The following ST7 variants were observed in gnomAD, a reference collection of about 807,000 sequenced individuals.
ST7 encodes the protein suppression of tumorigenicity 7.
Under a neutral mutation model 78.7 loss-of-function variants are expected in ST7, and 28 were observed. The ratio of observed to expected loss-of-function variants is 0.36; its 90% CI spans 0.26 to 0.49. ST7 has a LOEUF of 0.49. Ranked by LOEUF, ST7 falls within the 20% of genes least tolerant of loss-of-function variation. The pLI, the probability that ST7 is intolerant of heterozygous loss-of-function variation, is 0.99. For missense variants in ST7, 418 were observed against 696.0 expected (o/e 0.60, Z 4.49); for synonymous variants, 247 against 249.6 (o/e 0.99, Z 0.10).
chr7:117,158,919 T>C (rs995564406), intron 9 of ST7, among the ~76,000 whole-genome samples: 3 of 152,200 alleles, frequency 2.0e-5, no homozygotes, highest in African/African-American at 7.2e-5. Flanking sequence ...TTGAATATGA[T>C]ACAGGCCAAA....
rs147765651 is a variant in ST7 at position 117,156,222 on chromosome 7, C to T, written c.964-14640C>T. On this transcript the variant is annotated intron_variant, in intron 9 of 15. Transcript: ENST00000323984. The stretch of plus-strand genomic sequence containing the variant: ...ATTTTTTATGCCTATTACTGTATCC[C>T]AGTACAATAGTGCCTGATACACAGT... Among the ~76,000 whole-genome samples the T allele has an allele frequency of 5.1e-3, 781 of 152,182 alleles. 4 individuals are homozygous for T. The highest frequency in any genetic ancestry group is 0.018 in the African/African-American group (739 of 41,490).
Position 117,219,428 on chromosome 7 carries a change from A to C in ST7, c.1498+252A>C, listed in dbSNP as rs1792924201. On this transcript the variant is annotated intron_variant, in intron 14 of 15. Coordinates refer to ENST00000323984, the MANE Select transcript of ST7 (RefSeq NM_001369598.1). The surrounding 1 kb of genome is among the most constrained non-coding windows in gnomAD (Gnocchi z 5.1). ...AAATGTAGCTGAAGAAACCCTATGT[A>C]CTGATTGGCCTGAGCACAGAGACCC... Among the ~76,000 whole-genome samples, 1 of 152,198 alleles carries C rather than the reference A, an allele frequency of 6.6e-6. No homozygotes were observed. Among genetic ancestry groups the C allele is most frequent in the African/African-American group, 2.4e-5 (1 of 41,448 alleles).
At chr7:117,055,863 T>G (rs1798037226) in intron 1 of ST7, among the ~76,000 whole-genome samples, 1 of 152,076 alleles carries the variant, frequency 6.6e-6, no homozygotes, top group Non-Finnish European at 1.5e-5. Context: ...TAAAGGCAAA[T>G]TTATTAAGTA....
At chr7:117,177,290 G>C (rs757921427) in intron 10 of ST7, among the ~76,000 whole-genome samples, 6 of 152,190 alleles carry the variant, frequency 3.9e-5, no homozygotes, top group African/African-American at 1.4e-4. Context: ...AGGACTATAT[G>C]CATGACAAAC....
chr7:116,980,014 A>C (rs1164359992), intron 1 of ST7, among the ~76,000 whole-genome samples: 1 of 112,908 alleles, frequency 8.9e-6, no homozygotes, highest in Non-Finnish European at 1.6e-5. Flanking sequence ...GCTGGAGTGC[A>C]GTGCTGCGAT....
rs1483520647 is a variant in ST7, at chr7:117,219,973, A to G, written c.1498+797A>G. On this transcript the variant is annotated intron_variant, in intron 14 of 15. Coordinates refer to ENST00000323984, the MANE Select transcript of ST7 (RefSeq NM_001369598.1). This position sits in a 1 kb window ranked among gnomAD's most constrained non-coding sequence, Gnocchi z 5.1. ...TTCATGTGGCCCAGACTTAGGATATATTTTTCTCCCTCAGATAATAAGCTC... is the reference window on the plus strand; with the variant it reads ...TTCATGTGGCCCAGACTTAGGATATGTTTTTCTCCCTCAGATAATAAGCTC... 6.6e-6 allele frequency among the ~76,000 whole-genome samples: 1 copy of G among 152,100 alleles called. No homozygotes were observed. Among genetic ancestry groups the G allele is most frequent in the Non-Finnish European group, 1.5e-5 (1 of 68,016 alleles).
At chr7:117,091,333 C>T (rs931760876) in intron 1 of ST7, among the ~76,000 whole-genome samples, 1 of 152,086 alleles carries the variant, frequency 6.6e-6, no homozygotes, top group Admixed American at 6.5e-5. Flanking sequence ...AATCCTTGAT[C>T]GAACTGATGC....
At position 117,230,146 on chromosome 7, in the gene ST7, T is replaced by C; in HGVS notation, c.*289T>C. 1 of 525,976 alleles carries C rather than the reference T, an allele frequency of 1.9e-6. No individual in the cohort carries two copies. Among genetic ancestry groups the C allele is most frequent in the Middle Eastern group, 5.1e-4 (1 of 1,960 alleles). The allele number at this position is 525,976 out of a possible 1,614,324, so 32.6% of individuals were successfully genotyped here. On this transcript the variant is annotated 3_prime_UTR_variant, in exon 16 of 16. Coordinates refer to ENST00000323984, the MANE Select transcript of ST7 (RefSeq NM_001369598.1). ...TGTCTTCCAACCCTAAAATTGTTGA[T>C]GTCCCAAATAAACCTTTGGATTTAC...
intron 1 of ST7, among the ~76,000 whole-genome samples, chr7:117,093,771 G>T (rs1213530520): frequency 6.6e-6 from 1 of 152,170 alleles, no homozygotes; most frequent in Non-Finnish European, 1.5e-5. Flanking sequence ...ATTTGATGAG[G>T]TCTGCCGTAT....
At chr7:117,218,986 T>A in intron 13 of ST7, 98 bp from the exon 14 acceptor site, 1 of 870,886 alleles carries the variant, frequency 1.1e-6, no homozygotes, top group South Asian at 1.6e-5. Flanking sequence ...TTTGTAGAAG[T>A]GTTCCCTGTT....
At chr7:117,228,738 C>A (rs1793600354) in intron 15 of ST7, among the ~76,000 whole-genome samples, 2 of 152,102 alleles carry the variant, frequency 1.3e-5, no homozygotes, top group Admixed American at 1.3e-4. Context: ...ACTATGATCC[C>A]CTCTGCATTA....
intron 1 of ST7, chr7:117,080,839 C>T (rs1217701133): frequency 6.6e-6 from 1 of 152,096 alleles, no homozygotes; most frequent in Non-Finnish European, 1.5e-5. Context: ...GCAGAGGAAG[C>T]CTATTGTGCA....
rs201942100 is a variant in ST7, at chr7:117,137,164, G to A, written c.865+929G>A. The A allele has an allele frequency of 9.2e-5, 14 of 152,180 alleles. No individual in the cohort carries two copies. In the East Asian group the frequency reaches 2.3e-3, roughly 25 times the overall value. The allele number at this position is 152,180 out of a possible 1,614,324, so 9.4% of individuals were successfully genotyped here. A position where few individuals can be genotyped will look rare whatever the true frequency, so the allele number is the denominator to read the frequency against. On this transcript the variant is annotated intron_variant, in intron 8 of 15. Transcript: ENST00000323984. ...TGAGATTATAAAATTAAATGTTAACGTTAAACTTGGGTTTGGTGTAGAAAC... is the reference window on the plus strand; with the variant it reads ...TGAGATTATAAAATTAAATGTTAACATTAAACTTGGGTTTGGTGTAGAAAC...
intron 1 of ST7, among the ~76,000 whole-genome samples, chr7:116,964,628 G>A (rs536878439): frequency 5.3e-4 from 80 of 152,308 alleles, no homozygotes; most frequent in African/African-American, 1.6e-3. Flanking sequence ...CAGAGTTGGC[G>A]TGGTTTAGAG....
intron 15 of ST7, among the ~76,000 whole-genome samples, chr7:117,225,615 G>A (rs898583824): frequency 2.6e-5 from 4 of 152,048 alleles, no homozygotes; most frequent in African/African-American, 4.8e-5. Context: ...CCCACACCCC[G>A]CAGGTTATCG....
Position 116,977,433 on chromosome 7 carries a change from A to C in ST7, c.151+23742A>C, listed in dbSNP as rs567183322. Among the ~76,000 whole-genome samples the C allele has an allele frequency of 1.1e-3, 163 of 152,294 alleles. 1 individual carries two copies. The highest frequency in any genetic ancestry group is 3.8e-3 in the African/African-American group (158 of 41,552). On this transcript the variant is annotated intron_variant, in intron 1 of 15. Transcript: ENST00000323984. ...AGGTCTTGCTGGAGAGCTGCATTCAAGTGAGGGAGGGGTGGGAAGGAAGAA... is the reference window on the plus strand; with the variant it reads ...AGGTCTTGCTGGAGAGCTGCATTCACGTGAGGGAGGGGTGGGAAGGAAGAA...
chr7:117,068,422 A>G (rs1488118184), intron 1 of ST7, among the ~76,000 whole-genome samples: 3 of 152,172 alleles, frequency 2.0e-5, no homozygotes, highest in Non-Finnish European at 4.4e-5. Context: ...TTTCTCACAA[A>G]TTGTTTCATC....
At chr7:117,011,736 CA>C (rs1219653515) in intron 1 of ST7, among the ~76,000 whole-genome samples, 1 of 152,184 alleles carries the variant, frequency 6.6e-6, no homozygotes, top group Admixed American at 6.5e-5. Context: ...GTCCCTAGAA[CA>C]GGTGACCCGA....
At chr7:116,972,415 T>G (rs1177586067) in intron 1 of ST7, 1 of 703,494 alleles carries the variant, frequency 1.4e-6, no homozygotes, top group African/African-American at 1.8e-5. Context: ...CTTCAGATTC[T>G]GGTCCATCAG....
Sources: gnomAD v4.1 joint callset for allele counts (sites outside exome capture counted in the v4.1 genomes callset) on GRCh38, gnomAD v4.1.1 for gene constraint, Gnocchi (gnomAD v3.1) non-coding constraint, MANE v1.5 for transcripts, NCBI Gene and HGNC (gene_info 2026-07-23, HGNC 2026-07-21) for gene names.